Variants in DIS3L2 observed in about 807,000 individuals in gnomAD.
DIS3L2 encodes DIS3-like exonuclease 2.
DIS3L2 carries 34 observed loss-of-function variants against 97.5 expected under a neutral mutation model. The observed-to-expected ratio is 0.35, with a 90% CI of 0.27 to 0.46. The LOEUF (loss-of-function observed/expected upper bound fraction) is 0.46. Ranked by LOEUF, DIS3L2 falls within the 20% of genes least tolerant of loss-of-function variation. The pLI, the probability that DIS3L2 is intolerant of heterozygous loss-of-function variation, is 1.00. For synonymous variants in DIS3L2, 435 were observed against 445.2 expected (o/e 0.98, Z 0.29); for missense variants, 1,038 against 1,146.0 (o/e 0.91, Z 1.36).
At chr2:232,116,573 A>G (rs985746842) in intron 6 of DIS3L2, among the ~76,000 whole-genome samples, 1 of 152,192 alleles carries the variant, frequency 6.6e-6, no homozygotes, top group Non-Finnish European at 1.5e-5. Flanking sequence ...TGCCAAGGGA[A>G]ATCTTTGCCT....
At chr2:231,973,615 T>G (rs890411541) in intron 1 of DIS3L2, among the ~76,000 whole-genome samples, 1 of 152,164 alleles carries the variant, frequency 6.6e-6, no homozygotes, top group African/African-American at 2.4e-5. Context: ...GGTTTTGAAC[T>G]CCTTCAGCTC....
At chr2:232,061,357 A>G (rs550744539) in intron 5 of DIS3L2, among the ~76,000 whole-genome samples, 1 of 152,350 alleles carries the variant, frequency 6.6e-6, no homozygotes, top group Non-Finnish European at 1.5e-5. Flanking sequence ...GAAAGCAAAG[A>G]CATGTTTCTT....
chr2:232,066,919 A>G (rs1418420195), intron 5 of DIS3L2, among the ~76,000 whole-genome samples: 1 of 152,088 alleles, frequency 6.6e-6, no homozygotes, highest in Non-Finnish European at 1.5e-5. Flanking sequence ...GTATCGGCAT[A>G]AAGCTGTTCA....
rs59088969 is a variant in DIS3L2, at chr2:231,989,339, T to TTGTGTGTGTGTGTG, written c.-93-25474_-93-25461dup. On this transcript the variant is annotated intron_variant, in intron 1 of 20. Coordinates refer to ENST00000325385, the MANE Select transcript of DIS3L2 (RefSeq NM_152383.5). ...TTTAAAAATGTATGTGTCAGTATAA[T>TTGTGTGTGTGTGTG]TGTGTGTGTGTGTGTGTGTGTGTGT... 1.3e-3 allele frequency among the ~76,000 whole-genome samples: 192 copies of TTGTGTGTGTGTGTG among 146,798 alleles called. 3 individuals carry two copies. The South Asian group carries it at 0.027, about 21-fold the overall frequency.
intron 5 of DIS3L2, among the ~76,000 whole-genome samples, chr2:232,047,235 T>A (rs1438610922): frequency 1.3e-5 from 2 of 152,248 alleles, no homozygotes; most frequent in Non-Finnish European, 2.9e-5. Flanking sequence ...ACTTGAGTGT[T>A]ACTGTTTTCC....
intron 12 of DIS3L2, among the ~76,000 whole-genome samples, chr2:232,253,219 G>A (rs769737900): frequency 2.6e-5 from 4 of 152,206 alleles, no homozygotes; most frequent in African/African-American, 7.2e-5. Flanking sequence ...TCGGTTGTTC[G>A]ATACGAGTAT....
At chr2:232,314,162 G>A (rs558541499) in intron 14 of DIS3L2, among the ~76,000 whole-genome samples, 10 of 152,292 alleles carry the variant, frequency 6.6e-5, no homozygotes, top group South Asian at 2.1e-4. Context: ...CCTCAGCACC[G>A]GCCCAGCACC....
intron 1 of DIS3L2, among the ~76,000 whole-genome samples, chr2:231,993,898 C>CT (rs541007247): frequency 3.3e-5 from 5 of 151,128 alleles, no homozygotes; most frequent in Admixed American, 6.6e-5. Context: ...AACAATTTAT[C>CT]TTTTTTTTCC....
intron 1 of DIS3L2, among the ~76,000 whole-genome samples, chr2:231,976,099 A>G (rs1427104043): frequency 6.6e-6 from 1 of 152,042 alleles, no homozygotes; most frequent in African/African-American, 2.4e-5. Flanking sequence ...TTTTTATTTC[A>G]ATAGTTTTAG....
chr2:232,273,067 T>A (rs1369804043), intron 13 of DIS3L2, among the ~76,000 whole-genome samples: 3 of 152,154 alleles, frequency 2.0e-5, no homozygotes, highest in Non-Finnish European at 4.4e-5. Context: ...CTTCACCCTG[T>A]GACCTTCTAG....
intron 6 of DIS3L2, among the ~76,000 whole-genome samples, chr2:232,109,472 TA>T (rs1343665656): frequency 6.6e-6 from 1 of 151,390 alleles, no homozygotes; most frequent in Non-Finnish European, 1.5e-5. Flanking sequence ...TAAAAAAAAA[TA>T]AAAATAAACT....
intron 12 of DIS3L2, among the ~76,000 whole-genome samples, chr2:232,251,341 A>C (rs1693412480): frequency 6.6e-6 from 1 of 152,158 alleles, no homozygotes; most frequent in Non-Finnish European, 1.5e-5. Context: ...AAACATTTGG[A>C]GGGAAAAAAA....
chr2:232,026,879 T>A (rs1694673323), intron 4 of DIS3L2, among the ~76,000 whole-genome samples: 2 of 152,210 alleles, frequency 1.3e-5, no homozygotes, highest in Non-Finnish European at 2.9e-5. Flanking sequence ...TTTTAGACAG[T>A]TGCGATATTA....
At chr2:232,113,580 C>T (rs1348348103) in intron 6 of DIS3L2, among the ~76,000 whole-genome samples, 1 of 152,116 alleles carries the variant, frequency 6.6e-6, no homozygotes, top group African/African-American at 2.4e-5. Flanking sequence ...CTTCATTAGC[C>T]AACACCTTAA....
At chr2:232,136,316 A>T (rs375767120) in intron 7 of DIS3L2, among the ~76,000 whole-genome samples, 156 bp from the exon 8 acceptor site, 2 of 152,156 alleles carry the variant, frequency 1.3e-5, no homozygotes, top group Non-Finnish European at 2.9e-5. Context: ...TTAAATATAG[A>T]TTACTAAGTC....
chr2:232,196,725 G>C (rs1691766225), intron 9 of DIS3L2, among the ~76,000 whole-genome samples: 1 of 151,140 alleles, frequency 6.6e-6, no homozygotes, highest in Non-Finnish European at 1.5e-5. Flanking sequence ...GAAATTCTGG[G>C]TAATGTAGAA....
intron 10 of DIS3L2, among the ~76,000 whole-genome samples, chr2:232,212,599 A>G (rs976404556): frequency 2.0e-5 from 3 of 152,238 alleles, no homozygotes; most frequent in African/African-American, 4.8e-5. Context: ...CTCGGGACAA[A>G]TTTTCAGACC....
At chr2:232,009,654 C>G (rs1694142753) in intron 1 of DIS3L2, among the ~76,000 whole-genome samples, 1 of 152,190 alleles carries the variant, frequency 6.6e-6, no homozygotes, top group African/African-American at 2.4e-5. Context: ...GTTTTACTTT[C>G]TCCATTTGCA....
chr2:232,233,653 C>G (rs1237784553), intron 10 of DIS3L2, among the ~76,000 whole-genome samples: 2 of 152,136 alleles, frequency 1.3e-5, no homozygotes, highest in Non-Finnish European at 2.9e-5. Flanking sequence ...ATGAAGTGAC[C>G]CAAGTCTGGA....
Sources: gnomAD v4.1 joint callset for allele counts (sites outside exome capture counted in the v4.1 genomes callset) on GRCh38, gnomAD v4.1.1 for gene constraint, MANE v1.5 for transcripts, NCBI Gene and HGNC (gene_info 2026-07-23, HGNC 2026-07-21) for gene names.